The following PLCG2 variants were observed in gnomAD, a reference collection of about 807,000 sequenced individuals.
PLCG2 encodes the protein phospholipase C gamma 2.
A neutral mutation model predicts 175.6 loss-of-function variants in PLCG2; 69 were observed. The observed-to-expected ratio is 0.39, with a 90% CI of 0.32 to 0.48. The LOEUF (loss-of-function observed/expected upper bound fraction) is 0.48, where lower values mean the gene tolerates loss of function less well. Among genes scored for constraint, PLCG2 ranks in the 20% least tolerant of loss-of-function variants. The pLI is 0.91. For missense variants in PLCG2, 1,798 were observed against 1,650.9 expected (o/e 1.09, Z -1.54); for synonymous variants, 827 against 624.0 (o/e 1.33, Z -4.85).
At chr16:81,926,711 C>T (rs909274165) in intron 22 of PLCG2, among the ~76,000 whole-genome samples, 4 of 152,130 alleles carry the variant, frequency 2.6e-5, no homozygotes, top group African/African-American at 9.7e-5. Flanking sequence ...AGTTTAATTC[C>T]AGCCTGTCTG....
intron 2 of PLCG2, among the ~76,000 whole-genome samples, chr16:81,816,755 G>A (rs936767446): frequency 3.8e-5 from 5 of 133,068 alleles, no homozygotes; most frequent in Non-Finnish European, 7.6e-5. Flanking sequence ...TCGCATTTCA[G>A]CCTCCCAAAA....
intron 8 of PLCG2, among the ~76,000 whole-genome samples, chr16:81,881,810 T>G (rs1051726206): frequency 6.1e-4 from 42 of 68,676 alleles, no homozygotes; most frequent in Non-Finnish European, 1.1e-3. Context: ...CCAGCTATTG[T>G]TTTTTTTTTT....
At chr16:81,874,813 A>G (rs2143545209) in intron 7 of PLCG2, among the ~76,000 whole-genome samples, 1 of 152,318 alleles carries the variant, frequency 6.6e-6, no homozygotes, top group South Asian at 2.1e-4. Flanking sequence ...GCAGGAGGAT[A>G]AGAAATGTAA....
At chr16:81,749,946 T>C (rs369677663) in intron 1 of PLCG2, among the ~76,000 whole-genome samples, 126 of 151,982 alleles carry the variant, frequency 8.3e-4, no homozygotes, top group African/African-American at 3.0e-3. Flanking sequence ...CAAGGTACCA[T>C]GGTTGAGAAA....
intron 1 of PLCG2, chr16:81,755,847 A>G (rs540336463): frequency 6.6e-6 from 1 of 152,374 alleles, no homozygotes; most frequent in Admixed American, 6.5e-5. Context: ...CTTTAACATC[A>G]GCTTCTGAAA....
chr16:81,920,243 G>C (rs1299885921), intron 20 of PLCG2, among the ~76,000 whole-genome samples: 1 of 152,178 alleles, frequency 6.6e-6, no homozygotes, highest in African/African-American at 2.4e-5. Context: ...GGGTGCAGGA[G>C]AGACCTGATG....
chr16:81,765,089 T>A (rs1241562918), intron 2 of PLCG2, among the ~76,000 whole-genome samples: 1 of 151,582 alleles, frequency 6.6e-6, no homozygotes, highest in Non-Finnish European at 1.5e-5. Flanking sequence ...TGAGACACTG[T>A]CCCCCCACAA....
intron 2 of PLCG2, among the ~76,000 whole-genome samples, chr16:81,792,480 C>CAAAAAAAAAAAAAA (rs532680550): frequency 3.3e-4 from 23 of 70,156 alleles, no homozygotes; most frequent in African/African-American, 6.6e-4. Flanking sequence ...GGCTCTGTCT[C>CAAAAAAAAAAAAAA]AAAAAAAAAA....
At chr16:81,809,762 A>C (rs1346707376) in intron 2 of PLCG2, among the ~76,000 whole-genome samples, 2 of 137,528 alleles carry the variant, frequency 1.5e-5, no homozygotes, top group Non-Finnish European at 3.0e-5. Flanking sequence ...TTCTGTCCTG[A>C]TTCTAGAGGG....
At chr16:81,863,188 A>G (rs2143506252) in intron 5 of PLCG2, among the ~76,000 whole-genome samples, 1 of 152,284 alleles carries the variant, frequency 6.6e-6, no homozygotes, top group East Asian at 1.9e-4. Flanking sequence ...TGCAGCCATT[A>G]AGCAGTAACT....
intron 1 of PLCG2, among the ~76,000 whole-genome samples, chr16:81,752,007 G>A (rs1313444194): frequency 6.6e-6 from 1 of 152,004 alleles, no homozygotes; most frequent in African/African-American, 2.4e-5. Flanking sequence ...GGCCAACAAA[G>A]CAAGAGTCTA....
chr16:81,742,157 G>C (rs902759355), intron 1 of PLCG2, among the ~76,000 whole-genome samples: 3 of 68,644 alleles, frequency 4.4e-5, no homozygotes, highest in Non-Finnish European at 3.8e-5. Flanking sequence ...GTGGGGGCGG[G>C]GGGGGGGGCG....
chr16:81,927,233 T>A (rs544233504), intron 23 of PLCG2, 55 bp downstream of exon 23: 1 of 1,215,168 alleles, frequency 8.2e-7, no homozygotes, highest in Admixed American at 1.7e-5. Flanking sequence ...AGGTCCAGTT[T>A]TTCAGGGAGC....
chr16:81,911,360 C>T (rs886450802), intron 18 of PLCG2, among the ~76,000 whole-genome samples: 9 of 152,174 alleles, frequency 5.9e-5, no homozygotes, highest in Admixed American at 3.9e-4. Context: ...TCTCCGTCTT[C>T]GATTTTCTGA....
chr16:81,825,283 A>ATTTTTT (rs577002663), intron 2 of PLCG2, among the ~76,000 whole-genome samples: 5 of 115,890 alleles, frequency 4.3e-5, no homozygotes, highest in Non-Finnish European at 7.1e-5. Context: ...AGATGCTCTA[A>ATTTTTT]TTTTTTTTTT....
At chr16:81,882,350 A>T (rs11862758) in intron 8 of PLCG2, among the ~76,000 whole-genome samples, 1,884 of 152,128 alleles carry the variant, frequency 0.012, 49 homozygotes, top group African/African-American at 0.042. Flanking sequence ...TGGTCCAGGG[A>T]AGTGTCTTTC....
Position 81,798,310 on chromosome 16 carries a change from G to T in PLCG2, c.193+12128G>T, listed in dbSNP as rs559038807. 9.5e-4 allele frequency among the ~76,000 whole-genome samples: 145 copies of T among 152,270 alleles called. 1 individual carries two copies. Among genetic ancestry groups the T allele is most frequent in the African/African-American group, 3.3e-3 (137 of 41,536 alleles). On this transcript the variant is annotated intron_variant, in intron 2 of 32. Transcript: ENST00000564138. ...AGCAGGTGCCTGCATTTGTGTTTGC[G>T]TGGGGGACATGGGACAGGCTGAGAC...
At chr16:81,914,896 T>C (rs1909776104) in intron 19 of PLCG2, among the ~76,000 whole-genome samples, 2 of 151,938 alleles carry the variant, frequency 1.3e-5, no homozygotes, top group Admixed American at 6.6e-5. Context: ...TCTCAAAGAG[T>C]TGGGGTGTGA....
intron 2 of PLCG2, among the ~76,000 whole-genome samples, chr16:81,839,799 C>A (rs1905724515): frequency 1.3e-5 from 2 of 152,244 alleles, no homozygotes; most frequent in African/African-American, 2.4e-5. Context: ...GCCTGTAATC[C>A]CAACACTTGG....
Sources: allele counts gnomAD v4.1 joint callset (sites outside exome capture counted in the v4.1 genomes callset), GRCh38; gene constraint gnomAD v4.1.1; transcripts MANE v1.5; gene names NCBI Gene and HGNC (gene_info 2026-07-23, HGNC 2026-07-21).